LONP2: variants seen among roughly 807,000 people sequenced by gnomAD.
LONP2 encodes the protein lon peptidase 2, peroxisomal, also known as lon protease homolog 2, peroxisomal.
LONP2 carries 60 observed loss-of-function variants against 85.6 expected under a neutral mutation model. The ratio of observed to expected loss-of-function variants is 0.70; its 90% CI spans 0.57 to 0.87. The LOEUF is 0.87. Among genes scored for constraint, LONP2 ranks in the 40% least tolerant of loss-of-function variants. The pLI is 0.00. For missense variants in LONP2, 860 were observed against 1,063.5 expected, an observed-to-expected ratio of 0.81 and a Z score of 2.66; for synonymous variants, 395 against 389.7, an observed-to-expected ratio of 1.01 and a Z score of -0.16.
intron 10 of LONP2, 137 bp from the exon 11 acceptor site, chr16:48,303,035 T>G (rs933556651): frequency 1.3e-6 from 1 of 760,848 alleles, no homozygotes; most frequent in Non-Finnish European, 2.1e-6. Context: ...GAGTTTTAAG[T>G]GTGGAAAAGT....
chr16:48,351,465 A>G, intron 14 of LONP2, 116 bp from the exon 15 acceptor site: 1 of 759,600 alleles, frequency 1.3e-6, no homozygotes, highest in Non-Finnish European at 2.1e-6. Context: ...AAAACGGAAG[A>G]TGATTTGGAT....
intron 1 of LONP2, among the ~76,000 whole-genome samples, chr16:48,251,885 C>T (rs1322871034): frequency 6.6e-6 from 1 of 152,168 alleles, no homozygotes; most frequent in Non-Finnish European, 1.5e-5. Flanking sequence ...CAAGTGTTTA[C>T]AAATTCCTAC....
At chr16:48,341,161 G>A (rs1482298781) in intron 12 of LONP2, among the ~76,000 whole-genome samples, 1 of 152,088 alleles carries the variant, frequency 6.6e-6, no homozygotes, top group East Asian at 1.9e-4. Context: ...TTAGCTGGGC[G>A]TGGTGGCGCA....
At chr16:48,322,273 A>G (rs2151016255) in intron 11 of LONP2, among the ~76,000 whole-genome samples, 1 of 152,350 alleles carries the variant, frequency 6.6e-6, no homozygotes, top group South Asian at 2.1e-4. Flanking sequence ...CACAAAAAAA[A>G]ATTCACAACT....
downstream of LONP2, among the ~76,000 whole-genome samples, chr16:48,357,532 C>G (rs1960419406): frequency 6.6e-6 from 1 of 152,214 alleles, no homozygotes; most frequent in African/African-American, 2.4e-5. Context: ...AGTTCACACA[C>G]ACTATTCACC....
downstream of LONP2, among the ~76,000 whole-genome samples, chr16:48,359,382 A>G (rs533788037): frequency 1.3e-5 from 2 of 152,320 alleles, no homozygotes; most frequent in Admixed American, 1.3e-4. Flanking sequence ...TAATGAACAG[A>G]CTTGAATATA....
At chr16:48,265,762 A>G (rs539267329) in intron 6 of LONP2, among the ~76,000 whole-genome samples, 1 of 152,320 alleles carries the variant, frequency 6.6e-6, no homozygotes, top group Non-Finnish European at 1.5e-5. Flanking sequence ...GAAAAATGTC[A>G]TTGGAATTTT....
chr16:48,311,049 A>G (rs78193733), intron 11 of LONP2, among the ~76,000 whole-genome samples: 12,549 of 152,216 alleles, frequency 0.082, 555 homozygotes, highest in Middle Eastern at 0.11. Flanking sequence ...AGTTTCCTGT[A>G]TAAGTGACTA....
chr16:48,325,826 T>G (rs1973357713), intron 11 of LONP2, among the ~76,000 whole-genome samples: 1 of 152,214 alleles, frequency 6.6e-6, no homozygotes, highest in Non-Finnish European at 1.5e-5. Flanking sequence ...TTGAGAAACC[T>G]CCATACTGTT....
At chr16:48,257,092 G>T (rs191865385) in intron 3 of LONP2, among the ~76,000 whole-genome samples, 1 of 152,136 alleles carries the variant, frequency 6.6e-6, no homozygotes, top group Non-Finnish European at 1.5e-5. Flanking sequence ...TGGGTGGATC[G>T]CTTGAGATCA....
At chr16:48,359,256 G>T (rs555880888), downstream of LONP2, among the ~76,000 whole-genome samples, 5 of 152,124 alleles carry the variant, frequency 3.3e-5, no homozygotes, top group African/African-American at 1.2e-4. Context: ...GAGCCACAGC[G>T]TCCAGCCACG....
chr16:48,244,861 G>T (rs1310507940), intron 1 of LONP2, among the ~76,000 whole-genome samples: 3 of 152,182 alleles, frequency 2.0e-5, no homozygotes, highest in African/African-American at 4.8e-5. Flanking sequence ...GTTCCCTACC[G>T]TTCTGGATAA....
At chr16:48,303,389 TG>T in intron 11 of LONP2, 84 bp downstream of exon 11, 8 of 1,539,070 alleles carry the variant, frequency 5.2e-6, no homozygotes, top group Non-Finnish European at 7.1e-6. Context: ...GGGAAGGTGT[TG>T]GGTAGTCCTT....
chr16:48,252,269 G>A lies in LONP2; in HGVS notation c.372G>A (p.Val124=). Residue 124 remains valine (V), a synonymous_variant, in exon 2 of 15, where the codon GTG becomes GTA. Coordinates refer to ENST00000285737, the MANE Select transcript of LONP2 (RefSeq NM_031490.5). Reference sequence around the variant, plus strand: ...AGAAGCCATATCCCATTGCTGAAGTGGAGCAGTTGGACCGACTTGAGGAGT... The same window carrying A: ...AGAAGCCATATCCCATTGCTGAAGTAGAGCAGTTGGACCGACTTGAGGAGT... ...LKEKPYPIAE[V]EQLDRLEEFP... 1.2e-6 allele frequency: 2 copies of A among 1,614,168 alleles called. No individual in the cohort carries two copies. The highest frequency in any genetic ancestry group is 1.3e-5 in the African/African-American group (1 of 75,062).
At chr16:48,295,881 T>G in intron 8 of LONP2, 134 bp from the exon 9 acceptor site, 1 of 748,400 alleles carries the variant, frequency 1.3e-6, no homozygotes, top group Non-Finnish European at 2.2e-6. Flanking sequence ...TGCTCAGATG[T>G]TAGTTTTGTC....
chr16:48,262,948 T>A, intron 6 of LONP2, 76 bp downstream of exon 6: 1 of 908,828 alleles, frequency 1.1e-6, no homozygotes, highest in Non-Finnish European at 1.7e-6. Context: ...ATTTCAAATT[T>A]ACTCCACTGA....
intron 2 of LONP2, among the ~76,000 whole-genome samples, chr16:48,256,243 T>C (rs988370307): frequency 1.3e-5 from 2 of 152,178 alleles, no homozygotes; most frequent in African/African-American, 4.8e-5. Context: ...ACTTTTCAGT[T>C]GGTGAATTCA....
chr16:48,260,515 C>T (rs1050184050), intron 4 of LONP2, among the ~76,000 whole-genome samples: 12 of 152,244 alleles, frequency 7.9e-5, no homozygotes, highest in African/African-American at 2.4e-4. Flanking sequence ...GGAAGGATTA[C>T]TTGAGCCAGG....
chr16:48,327,876 CTT>C (rs1406722987), intron 11 of LONP2, among the ~76,000 whole-genome samples: 3 of 152,134 alleles, frequency 2.0e-5, no homozygotes, highest in Non-Finnish European at 2.9e-5. Context: ...AGTCTTCAGT[CTT>C]TGTATCTTTT....
Sources: allele counts gnomAD v4.1 joint callset (sites outside exome capture counted in the v4.1 genomes callset), GRCh38; gene constraint gnomAD v4.1.1; transcripts MANE v1.5; gene names NCBI Gene and HGNC (gene_info 2026-07-23, HGNC 2026-07-21).